Variants in C8A observed in about 807,000 individuals in gnomAD.
C8A encodes the protein complement component C8 alpha chain.
A neutral mutation model predicts 65.3 loss-of-function variants in C8A; 67 were observed. That is an observed-to-expected ratio of 1.03 (90% CI 0.84 to 1.26). The LOEUF is 1.26. Ranked by LOEUF, C8A falls within the 50% of genes most tolerant of loss-of-function variation. The pLI is 0.00. For missense variants in C8A, 781 were observed against 723.9 expected (o/e 1.08, Z -0.90); for synonymous variants, 290 against 259.4 (o/e 1.12, Z -1.13).
intron 4 of C8A, among the ~76,000 whole-genome samples, chr1:56,879,011 A>G (rs915304570): frequency 3.3e-5 from 5 of 152,238 alleles, no homozygotes; most frequent in African/African-American, 9.6e-5. Flanking sequence ...ATATTCTTCT[A>G]TAACATAGTT....
Position 56,907,945 on chromosome 1 carries a change from C to T in C8A, c.1223-11C>T. ...GAAATGAGTTAATGCAGTTTATCCTCTTGATGGCAGAAAGGGCCAGGAAGG... is the reference window on the plus strand; with the variant it reads ...GAAATGAGTTAATGCAGTTTATCCTTTTGATGGCAGAAAGGGCCAGGAAGG... On this transcript the variant is annotated splice_polypyrimidine_tract_variant and intron_variant, in intron 8 of 10. Coordinates refer to ENST00000361249, the MANE Select transcript of C8A (RefSeq NM_000562.3). The T allele has an allele frequency of 1.2e-6, 2 of 1,614,082 alleles. No individual in the cohort carries two copies. Among genetic ancestry groups the T allele is most frequent in the South Asian group, 1.1e-5 (1 of 91,060 alleles).
At chr1:56,878,621 AT>A (rs760544998) in intron 4 of C8A, among the ~76,000 whole-genome samples, 1 of 151,664 alleles carries the variant, frequency 6.6e-6, no homozygotes, top group African/African-American at 2.4e-5. Flanking sequence ...TCTTGCTCTT[AT>A]TTTTTTTCTA....
At chr1:56,905,849 C>T (rs1177980945) in intron 7 of C8A, among the ~76,000 whole-genome samples, 1 of 152,160 alleles carries the variant, frequency 6.6e-6, no homozygotes, top group Non-Finnish European at 1.5e-5. Flanking sequence ...GTCTGTTTAT[C>T]TAGTTTTATC....
intron 3 of C8A, 37 bp from the exon 4 acceptor site, chr1:56,876,025 G>T: frequency 6.2e-7 from 1 of 1,607,558 alleles, no homozygotes; most frequent in East Asian, 2.2e-5. Context: ...GGAGGGAGAG[G>T]GGAACCCGAG....
chr1:56,873,329 A>G (rs755501635), intron 2 of C8A, among the ~76,000 whole-genome samples: 4 of 152,104 alleles, frequency 2.6e-5, no homozygotes, highest in Non-Finnish European at 5.9e-5. Context: ...ACATTCTCTT[A>G]CTCAGAGCTC....
At chr1:56,876,912 C>G (rs1241009917) in intron 4 of C8A, among the ~76,000 whole-genome samples, 1 of 152,142 alleles carries the variant, frequency 6.6e-6, no homozygotes, top group Admixed American at 6.5e-5. Flanking sequence ...TTTTGTCTCC[C>G]CTTACCCCCA....
At chr1:56,859,473 A>G (rs1191811862) in intron 1 of C8A, among the ~76,000 whole-genome samples, 1 of 152,216 alleles carries the variant, frequency 6.6e-6, no homozygotes, top group Non-Finnish European at 1.5e-5. Context: ...AATGAACTGA[A>G]GTGGAAAGGT....
intron 7 of C8A, among the ~76,000 whole-genome samples, chr1:56,896,366 C>T (rs1303886403): frequency 6.6e-6 from 1 of 152,116 alleles, no homozygotes; most frequent in Non-Finnish European, 1.5e-5. Context: ...GGCCCGAGAA[C>T]CTGGGCAGCC....
At chr1:56,906,104 A>G (rs1232914109) in intron 7 of C8A, among the ~76,000 whole-genome samples, 2 of 152,176 alleles carry the variant, frequency 1.3e-5, no homozygotes, top group Non-Finnish European at 2.9e-5. Context: ...TGGGGCGCAA[A>G]GAGGATCTGG....
chr1:56,865,412 G>C (rs1055377859), intron 1 of C8A, among the ~76,000 whole-genome samples: 4 of 152,326 alleles, frequency 2.6e-5, no homozygotes, highest in African/African-American at 9.6e-5. Flanking sequence ...TCCTCACGTG[G>C]TGGAAGGGAT....
Position 56,876,193 on chromosome 1 carries a change from C to G in C8A, c.448C>G (p.Gln150Glu). The change falls in exon 4 of 11, where the codon CAG becomes GAG. Residue 150 changes from glutamine to glutamate, a missense_variant. Coordinates refer to ENST00000361249, the MANE Select transcript of C8A (RefSeq NM_000562.3). ...CCAGTATGAACCAATTCCAGGATCA[C>G]AGAAGGCAGCCTTGGGGTGAGGCCC... Reference protein sequence around the residue: ...CSQYEPIPGSQKAALGYNILT... With the variant: ...CSQYEPIPGSEKAALGYNILT... 6.2e-7 allele frequency: 1 copy of G among 1,613,840 alleles called. No homozygotes were observed. Among genetic ancestry groups the G allele is most frequent in the Non-Finnish European group, 8.5e-7 (1 of 1,179,846 alleles).
chr1:56,895,618 G>T (rs1487198671), intron 7 of C8A, among the ~76,000 whole-genome samples: 3 of 152,142 alleles, frequency 2.0e-5, no homozygotes, highest in African/African-American at 7.2e-5. Context: ...AAGTATCAAA[G>T]TATGTCACAC....
intron 2 of C8A, among the ~76,000 whole-genome samples, chr1:56,871,786 C>T (rs892619686): frequency 6.6e-6 from 1 of 152,074 alleles, no homozygotes. Flanking sequence ...TGTTAAAAAT[C>T]GAATATAATT....
Position 56,908,129 on chromosome 1 carries a change from G to T in C8A, c.1380+16G>T. On this transcript the variant is annotated intron_variant, in intron 9 of 10. Coordinates refer to ENST00000361249, the MANE Select transcript of C8A (RefSeq NM_000562.3). ...CGATTTTGAGGTAAGTCTTTTCGCA[G>T]TTGAAGAAACTCTACGTCCATGAGG... 6.2e-7 allele frequency: 1 copy of T among 1,613,526 alleles called. No individual in the cohort carries two copies. The highest frequency in any genetic ancestry group is 8.5e-7 in the Non-Finnish European group (1 of 1,179,474).
intron 1 of C8A, among the ~76,000 whole-genome samples, chr1:56,862,547 G>T (rs921670286): frequency 7.9e-5 from 12 of 152,046 alleles, no homozygotes; most frequent in Non-Finnish European, 1.3e-4. Flanking sequence ...CTTCCTCCCC[G>T]ACCCCAGTGC....
At chr1:56,855,774 C>A (rs1643969108) in intron 1 of C8A, among the ~76,000 whole-genome samples, 1 of 151,818 alleles carries the variant, frequency 6.6e-6, no homozygotes, top group East Asian at 1.9e-4. Context: ...AATTCTAATT[C>A]TTGATAGATG....
rs890345057 is a variant in C8A at position 56,875,120 on chromosome 1, G to T, written c.316+27G>T. ...TGAGTAGCATTTCAGCAGAATAACA[G>T]CTGTGCCTGTCAAAAGTGACATGTG... On this transcript the variant is annotated intron_variant, in intron 3 of 10. Transcript: ENST00000361249. The T allele has an allele frequency of 2.5e-6, 4 of 1,610,858 alleles. No homozygotes were observed. In the African/African-American group the frequency reaches 5.3e-5, roughly 22 times the overall value.
intron 7 of C8A, among the ~76,000 whole-genome samples, chr1:56,903,668 A>C (rs181715448): frequency 2.2e-4 from 33 of 152,328 alleles, no homozygotes; most frequent in African/African-American, 7.7e-4. Context: ...CAAAGGTATC[A>C]ACTGAGACAG....
chr1:56,895,718 C>T (rs1461112410), intron 7 of C8A, among the ~76,000 whole-genome samples: 3 of 152,134 alleles, frequency 2.0e-5, no homozygotes, highest in Admixed American at 1.3e-4. Context: ...TCTGGAGGAT[C>T]ATTTGAGCCC....
Sources: allele counts gnomAD v4.1 joint callset (sites outside exome capture counted in the v4.1 genomes callset), GRCh38; gene constraint gnomAD v4.1.1; transcripts MANE v1.5; gene names NCBI Gene and HGNC (gene_info 2026-07-23, HGNC 2026-07-21).